Variants in MED26 observed in about 807,000 individuals in gnomAD.
MED26 encodes mediator complex subunit 26.
A neutral mutation model predicts 43.7 loss-of-function variants in MED26; 7 were observed. The observed-to-expected ratio is 0.16, with a 90% CI of 0.09 to 0.30. The LOEUF is 0.30. Ranked by LOEUF, MED26 falls within the 10% of genes least tolerant of loss-of-function variation. The pLI is 1.00. For synonymous variants in MED26, 375 were observed against 371.1 expected, an observed-to-expected ratio of 1.01 and a Z score of -0.12; for missense variants, 784 against 840.6, an observed-to-expected ratio of 0.93 and a Z score of 0.83.
intron 1 of MED26, among the ~76,000 whole-genome samples, chr19:16,600,366 C>T (rs1425792420): frequency 6.6e-6 from 1 of 152,216 alleles, no homozygotes; most frequent in Non-Finnish European, 1.5e-5. Context: ...TGGATCTGGC[C>T]TCAAAATCCA....
intron 1 of MED26, among the ~76,000 whole-genome samples, chr19:16,584,874 T>C (rs566190481): frequency 6.6e-6 from 1 of 152,304 alleles, no homozygotes; most frequent in South Asian, 2.1e-4. Context: ...TAGCATTTGT[T>C]TGGGAGAGTT....
At chr19:16,600,405 G>C (rs2086143234) in intron 1 of MED26, among the ~76,000 whole-genome samples, 1 of 152,182 alleles carries the variant, frequency 6.6e-6, no homozygotes, top group Non-Finnish European at 1.5e-5. Context: ...CTGATCGTTG[G>C]GGTGCAGGGG....
intron 1 of MED26, among the ~76,000 whole-genome samples, chr19:16,584,539 G>A (rs903340350): frequency 1.3e-5 from 2 of 152,184 alleles, no homozygotes; most frequent in East Asian, 1.9e-4. Flanking sequence ...TGGGTCAGGC[G>A]CCTGGAGCTG....
intron 1 of MED26, among the ~76,000 whole-genome samples, chr19:16,583,808 G>A (rs2086057497): frequency 6.6e-6 from 1 of 152,198 alleles, no homozygotes; most frequent in Non-Finnish European, 1.5e-5. Context: ...ATAGGAATGT[G>A]AACATTAATC....
chr19:16,585,943 A>AGGCC (rs1396084534), intron 1 of MED26, among the ~76,000 whole-genome samples: 1 of 152,204 alleles, frequency 6.6e-6, no homozygotes, highest in Non-Finnish European at 1.5e-5. Context: ...TAAAACCCTC[A>AGGCC]GGCCCTGAGT....
chr19:16,599,162 T>C (rs1036346380), intron 1 of MED26, among the ~76,000 whole-genome samples: 4 of 152,228 alleles, frequency 2.6e-5, no homozygotes, highest in Non-Finnish European at 5.9e-5. Context: ...ATTTTTTTTC[T>C]ACTTCACTCT....
chr19:16,581,599 TCCTGCTGC>T (rs1299431324), intron 1 of MED26, among the ~76,000 whole-genome samples: 1 of 152,176 alleles, frequency 6.6e-6, no homozygotes, highest in Non-Finnish European at 1.5e-5. Context: ...GCAGACACCA[TCCTGCTGC>T]CAGACAAGAG....
chr19:16,607,518 T>C (rs1307221056), intron 1 of MED26, among the ~76,000 whole-genome samples: 1 of 151,868 alleles, frequency 6.6e-6, no homozygotes, highest in African/African-American at 2.4e-5. Context: ...CTAAAAGCCA[T>C]GAAGAAAATA....
chr19:16,579,920 A>C (rs530404888), intron 1 of MED26, among the ~76,000 whole-genome samples: 1 of 152,192 alleles, frequency 6.6e-6, no homozygotes, highest in Non-Finnish European at 1.5e-5. Context: ...TTCTGACTTA[A>C]TGTCAGCAAT....
rs545944251 is a variant in MED26, at chr19:16,596,191, T to C, written c.73-17782A>G. ...GTGCCCAGCCATGCTTCAACTGTTT[T>C]TGGCTCTTGGCTTCCACAGTGCAAT... On this transcript the variant is annotated intron_variant, in intron 1 of 2. Transcript: ENST00000263390. 1.5e-4 allele frequency among the ~76,000 whole-genome samples: 23 copies of C among 152,234 alleles called. No homozygotes were observed. The East Asian group carries it at 4.4e-3, about 29-fold the overall frequency.
intron 1 of MED26, chr19:16,610,474 C>G (rs1412879586): frequency 6.7e-6 from 1 of 150,108 alleles, no homozygotes. Context: ...CTCACCACAA[C>G]CTCCGCCTCC....
chr19:16,600,214 G>C (rs903716386), intron 1 of MED26, among the ~76,000 whole-genome samples: 2 of 150,890 alleles, frequency 1.3e-5, no homozygotes, highest in East Asian at 2.0e-4. Flanking sequence ...CTCCTGCTCC[G>C]CACAGCCTTG....
intron 1 of MED26, among the ~76,000 whole-genome samples, chr19:16,612,921 TGAAAAA>T (rs951643758): frequency 6.6e-5 from 10 of 152,302 alleles, no homozygotes; most frequent in Non-Finnish European, 1.0e-4. Flanking sequence ...AGACTACCCT[TGAAAAA>T]GAACAGCATT....
At chr19:16,579,559 A>G (rs1213619197) in intron 1 of MED26, among the ~76,000 whole-genome samples, 1 of 152,104 alleles carries the variant, frequency 6.6e-6, no homozygotes, top group East Asian at 1.9e-4. Flanking sequence ...CTTCCCACAC[A>G]TTACTGACTC....
chr19:16,617,355 G>A (rs2086231016), intron 1 of MED26, among the ~76,000 whole-genome samples: 1 of 152,096 alleles, frequency 6.6e-6, no homozygotes, highest in Admixed American at 6.6e-5. Flanking sequence ...CTGCTCCTTC[G>A]GAAACACCTC....
intron 1 of MED26, among the ~76,000 whole-genome samples, chr19:16,616,858 G>A (rs991435296): frequency 1.3e-5 from 2 of 152,122 alleles, no homozygotes; most frequent in African/African-American, 4.8e-5. Context: ...AACCAGGTAG[G>A]CAGACACCCC....
chr19:16,577,766 G>T lies in MED26; in HGVS notation c.148-84C>A. The stretch of plus-strand genomic sequence containing the variant: ...GCCAGAAATGGTGGGAAGTGGCCCT[G>T]ACAGTGAAATGACCCGGTTCCCACT... On this transcript the variant is annotated intron_variant, in intron 2 of 2. Transcript: ENST00000263390. This position sits in a 1 kb window ranked among gnomAD's most constrained non-coding sequence, Gnocchi z 8.1. The T allele has an allele frequency of 8.6e-7, 1 of 1,158,848 alleles. No individual in the cohort carries two copies. The highest frequency in any genetic ancestry group is 1.2e-6 in the Non-Finnish European group (1 of 826,232). 71.8% of individuals were successfully genotyped at this position (1,158,848 alleles called of 1,614,324 possible). A position where few individuals can be genotyped will look rare whatever the true frequency, so the allele number is the denominator to read the frequency against.
chr19:16,605,185 C>T (rs1327877961), intron 1 of MED26, among the ~76,000 whole-genome samples: 2 of 152,248 alleles, frequency 1.3e-5, no homozygotes, highest in South Asian at 2.1e-4. Context: ...GAAAGCAAGA[C>T]AGACATAACT....
chr19:16,607,208 T>A (rs2086177644), intron 1 of MED26, among the ~76,000 whole-genome samples: 1 of 151,614 alleles, frequency 6.6e-6, no homozygotes, highest in Admixed American at 6.6e-5. Context: ...AATAAAAATT[T>A]AAAAATTAAA....
Sources: allele counts gnomAD v4.1 joint callset (sites outside exome capture counted in the v4.1 genomes callset), GRCh38; gene constraint gnomAD v4.1.1; non-coding constraint Gnocchi (gnomAD v3.1); transcripts MANE v1.5; gene names NCBI Gene and HGNC (gene_info 2026-07-23, HGNC 2026-07-21).